Variants in BMP6 observed in about 807,000 individuals in gnomAD.
The protein encoded by BMP6 is bone morphogenetic protein 6.
In BMP6, 17 loss-of-function variants were observed where a neutral mutation model predicts 54.1. The ratio of observed to expected loss-of-function variants is 0.31; its 90% CI spans 0.22 to 0.47. BMP6 has a LOEUF of 0.47. Ranked by LOEUF, BMP6 falls within the 20% of genes least tolerant of loss-of-function variation. The probability of loss-of-function intolerance (pLI) is 1.00; values close to 1 mark genes in which losing one functional copy is unlikely to be tolerated. For missense variants in BMP6, 720 were observed against 690.4 expected, an observed-to-expected ratio of 1.04 and a Z score of -0.48; for synonymous variants, 328 against 291.2, an observed-to-expected ratio of 1.13 and a Z score of -1.28.
intron 4 of BMP6, among the ~76,000 whole-genome samples, chr6:7,866,822 C>G (rs1169717601): frequency 2.0e-5 from 3 of 152,186 alleles, no homozygotes; most frequent in African/African-American, 7.2e-5. Flanking sequence ...CACTGTCTGT[C>G]CTTTGGAATG....
chr6:7,870,833 T>C (rs1759512769), intron 4 of BMP6, among the ~76,000 whole-genome samples: 1 of 152,208 alleles, frequency 6.6e-6, no homozygotes, highest in Non-Finnish European at 1.5e-5. Context: ...TTCACCATGT[T>C]GGTCAGGCTG....
At position 7,856,595 on chromosome 6, in the gene BMP6, A is replaced by ATTTTTTTTTTTTTTTTTTTTTT. The variant is rs70982115; in HGVS notation, c.858-4837_858-4836insTTTTTTTTTTTTTTTTTTTTTT. ...ATATAAATGCCAGTTTATCAAGAGCATTTTTTTTTTTTTTTTTTTGAGACG... is the reference window on the plus strand; with the variant it reads ...ATATAAATGCCAGTTTATCAAGAGCATTTTTTTTTTTTTTTTTTTTTTTTTTTTTTTTTTTTTTTTTGAGACG... On this transcript the variant is annotated intron_variant, in intron 2 of 6. Transcript: ENST00000283147. 1.8e-3 allele frequency among the ~76,000 whole-genome samples: 146 copies of ATTTTTTTTTTTTTTTTTTTTTT among 83,014 alleles called. 23 individuals carry two copies. Among genetic ancestry groups the ATTTTTTTTTTTTTTTTTTTTTT allele is most frequent in the East Asian group, 4.4e-3 (6 of 1,376 alleles). The allele number at this position is 83,014 out of a possible 152,430, so 54.5% of individuals were successfully genotyped here.
intron 1 of BMP6, among the ~76,000 whole-genome samples, chr6:7,814,159 CTA>C (rs778744267): frequency 6.6e-6 from 1 of 152,202 alleles, no homozygotes; most frequent in Non-Finnish European, 1.5e-5. Flanking sequence ...CTAGAGAAAA[CTA>C]TGTGCTTTTA....
intron 1 of BMP6, among the ~76,000 whole-genome samples, chr6:7,727,991 C>T (rs953377861): frequency 3.3e-5 from 5 of 152,222 alleles, no homozygotes; most frequent in African/African-American, 1.2e-4. Flanking sequence ...GAGTCCAGCC[C>T]GAGTGTGGCC....
At chr6:7,855,242 G>A (rs1396467680) in intron 2 of BMP6, among the ~76,000 whole-genome samples, 3 of 152,172 alleles carry the variant, frequency 2.0e-5, no homozygotes, top group Non-Finnish European at 4.4e-5. Flanking sequence ...GAGGTAGTCT[G>A]GCTTTAGGTC....
At chr6:7,843,953 AT>A (rs1726734366) in intron 1 of BMP6, among the ~76,000 whole-genome samples, 1 of 152,226 alleles carries the variant, frequency 6.6e-6, no homozygotes, top group Non-Finnish European at 1.5e-5. Flanking sequence ...GTGATTTGAT[AT>A]ACTAATACAT....
intron 1 of BMP6, among the ~76,000 whole-genome samples, chr6:7,828,792 G>A (rs72829206): frequency 7.2e-5 from 11 of 152,296 alleles, no homozygotes; most frequent in Admixed American, 3.9e-4. Context: ...ACTGGCTACC[G>A]TTTCGGTGTT....
At chr6:7,798,670 C>G (rs1758226456) in intron 1 of BMP6, among the ~76,000 whole-genome samples, 1 of 152,244 alleles carries the variant, frequency 6.6e-6, no homozygotes, top group African/African-American at 2.4e-5. Flanking sequence ...GGCACTGCTG[C>G]TTGCCACACA....
At chr6:7,792,858 C>T (rs1278519927) in intron 1 of BMP6, among the ~76,000 whole-genome samples, 1 of 152,144 alleles carries the variant, frequency 6.6e-6, no homozygotes, top group Non-Finnish European at 1.5e-5. Context: ...AAGATGAACC[C>T]CTTTGCAGCT....
In BMP6 at chr6:7,881,417, C is replaced by G. The variant is rs1177648960; in HGVS notation, c.*1074C>G. Reference sequence around the variant, plus strand: ...ACTGATTAAATAATACATTTATAATCTACAACTGTTTGCACTTACAGCTTT... The same window carrying G: ...ACTGATTAAATAATACATTTATAATGTACAACTGTTTGCACTTACAGCTTT... On this transcript the variant is annotated 3_prime_UTR_variant, in exon 7 of 7. Transcript: ENST00000283147. The G allele has an allele frequency of 6.6e-6, 1 of 152,396 alleles. No homozygotes were observed. Among genetic ancestry groups the G allele is most frequent in the Non-Finnish European group, 1.5e-5 (1 of 68,032 alleles). The allele number at this position is 152,396 out of a possible 1,614,324, so 9.4% of individuals were successfully genotyped here. A position where few individuals can be genotyped will look rare whatever the true frequency, so the allele number is the denominator to read the frequency against.
intron 1 of BMP6, among the ~76,000 whole-genome samples, chr6:7,765,243 T>G (rs1258014767): frequency 6.6e-6 from 1 of 152,194 alleles, no homozygotes; most frequent in Non-Finnish European, 1.5e-5. Flanking sequence ...TGTGGATTTA[T>G]TCCCCCAAAA....
At chr6:7,859,295 G>T (rs865868972) in intron 2 of BMP6, among the ~76,000 whole-genome samples, 4 of 148,366 alleles carry the variant, frequency 2.7e-5, no homozygotes, top group Admixed American at 6.9e-5. Context: ...AGCTCATTCT[G>T]CCAGCTGTGC....
At chr6:7,857,010 C>T (rs1179945534) in intron 2 of BMP6, among the ~76,000 whole-genome samples, 1 of 152,132 alleles carries the variant, frequency 6.6e-6, no homozygotes, top group Admixed American at 6.5e-5. Context: ...GCCTGTCCAC[C>T]AGGAGCTCAG....
intron 1 of BMP6, among the ~76,000 whole-genome samples, chr6:7,774,529 GCGA>G (rs1561767769): frequency 6.6e-6 from 1 of 151,862 alleles, no homozygotes; most frequent in East Asian, 1.9e-4. Context: ...TCCAGCCTGG[GCGA>G]CAGAGGGAGA....
chr6:7,772,051 C>CAAAA (rs68086058), intron 1 of BMP6, among the ~76,000 whole-genome samples: 20 of 141,310 alleles, frequency 1.4e-4, no homozygotes, highest in Admixed American at 6.3e-4. Context: ...AAGCCTGCCT[C>CAAAA]AAAAAAAAAA....
intron 1 of BMP6, among the ~76,000 whole-genome samples, chr6:7,844,548 A>T (rs1038919219): frequency 6.6e-6 from 1 of 152,170 alleles, no homozygotes; most frequent in Non-Finnish European, 1.5e-5. Context: ...TTTCCACTGA[A>T]CAGGCAAAAT....
Position 7,737,822 on chromosome 6 carries a change from C to T in BMP6, c.664+10203C>T, listed in dbSNP as rs1457196441. Among the ~76,000 whole-genome samples the T allele has an allele frequency of 2.0e-5, 3 of 152,240 alleles. No homozygotes were observed. The East Asian group carries it at 5.8e-4, about 29-fold the overall frequency. ...AGAAATGACTCATTTTCACCCACTGCAATGGTTAAGTAGCTGGTTTTCTTG... is the reference window on the plus strand; with the variant it reads ...AGAAATGACTCATTTTCACCCACTGTAATGGTTAAGTAGCTGGTTTTCTTG... On this transcript the variant is annotated intron_variant, in intron 1 of 6. Transcript: ENST00000283147.
At chr6:7,768,549 C>T (rs553528546) in intron 1 of BMP6, among the ~76,000 whole-genome samples, 40 of 152,256 alleles carry the variant, frequency 2.6e-4, no homozygotes, top group African/African-American at 9.1e-4. Flanking sequence ...TGCTTCTGAG[C>T]ATGGGTCTCA....
chr6:7,800,888 G>A (rs935887724), intron 1 of BMP6, among the ~76,000 whole-genome samples: 1 of 142,628 alleles, frequency 7.0e-6, no homozygotes, highest in African/African-American at 2.7e-5. Context: ...TTTTCAGGCT[G>A]TGGTCATAAA....
Sources: gnomAD v4.1 joint callset for allele counts (sites outside exome capture counted in the v4.1 genomes callset) on GRCh38, gnomAD v4.1.1 for gene constraint, MANE v1.5 for transcripts, NCBI Gene and HGNC (gene_info 2026-07-23, HGNC 2026-07-21) for gene names.